Variants in AKAP19 observed in about 807,000 individuals in gnomAD.
AKAP19 encodes the protein small A-kinase anchoring protein.
the AKAP19 span, among the ~76,000 whole-genome samples, chr2:190,193,352 G>A: frequency 5.9e-5 from 9 of 151,586 alleles, no homozygotes; most frequent in Non-Finnish European, 1.3e-4. Flanking sequence ...CAACTTCTGG[G>A]TCTATGTTCA....
At chr2:190,118,179 TC>T in the AKAP19 span, among the ~76,000 whole-genome samples, 1 of 152,142 alleles carries the variant, frequency 6.6e-6, no homozygotes, top group African/African-American at 2.4e-5. Context: ...AAAAGTTGAA[TC>T]TCTTACTAGA....
the AKAP19 span, chr2:189,923,988 T>A: frequency 4.5e-5 from 68 of 1,510,278 alleles, no homozygotes; most frequent in East Asian, 8.5e-4. Flanking sequence ...ATGAACAATG[T>A]TAAGTCAGAA....
chr2:189,903,766 G>A, the AKAP19 span, among the ~76,000 whole-genome samples: 2 of 151,926 alleles, frequency 1.3e-5, no homozygotes, highest in East Asian at 1.9e-4. Flanking sequence ...TACCCAATAA[G>A]TAGTTTTCCA....
chr2:190,142,679 T>TA, the AKAP19 span, among the ~76,000 whole-genome samples: 1 of 152,234 alleles, frequency 6.6e-6, no homozygotes, highest in Non-Finnish European at 1.5e-5. Context: ...GCTTTGAGGC[T>TA]AACAAACTGG....
chr2:189,951,764 G>A, the AKAP19 span, among the ~76,000 whole-genome samples: 1 of 152,212 alleles, frequency 6.6e-6, no homozygotes, highest in African/African-American at 2.4e-5. Context: ...TAGGAGATCA[G>A]AATATGCCAC....
chr2:189,990,320 C>T, the AKAP19 span, among the ~76,000 whole-genome samples: 1 of 152,132 alleles, frequency 6.6e-6, no homozygotes. Flanking sequence ...CAATCCTTTG[C>T]TCCTATTCTT....
At chr2:190,038,961 C>CTTCTTCT in the AKAP19 span, among the ~76,000 whole-genome samples, 1 of 145,046 alleles carries the variant, frequency 6.9e-6, no homozygotes, top group Admixed American at 6.9e-5. Context: ...TCTTCTTCTT[C>CTTCTTCT]TTCTTCTTCT....
At chr2:190,044,369 G>A in the AKAP19 span, among the ~76,000 whole-genome samples, 1 of 152,152 alleles carries the variant, frequency 6.6e-6, no homozygotes, top group African/African-American at 2.4e-5. Context: ...CCCCAGCCAG[G>A]AGTTTACTGC....
chr2:190,166,240 A>G, the AKAP19 span, among the ~76,000 whole-genome samples: 1 of 151,608 alleles, frequency 6.6e-6, no homozygotes, highest in African/African-American at 2.4e-5. Context: ...ATCTTCTGGA[A>G]AAATAAAGAT....
chr2:190,186,758 T>C, the AKAP19 span, among the ~76,000 whole-genome samples: 1 of 152,250 alleles, frequency 6.6e-6, no homozygotes, highest in Admixed American at 6.5e-5. The surrounding 1 kb of genome is among the most constrained non-coding windows in gnomAD (Gnocchi z 5.5). Context: ...TACAAGAAAG[T>C]ATATTCTTAG....
the AKAP19 span, among the ~76,000 whole-genome samples, chr2:190,168,065 A>G: frequency 6.6e-6 from 1 of 152,178 alleles, no homozygotes; most frequent in Non-Finnish European, 1.5e-5. Flanking sequence ...CCCTGCAGCA[A>G]ACTTCTGCCT....
the AKAP19 span, among the ~76,000 whole-genome samples, chr2:189,948,486 C>T: frequency 2.6e-5 from 4 of 152,148 alleles, no homozygotes; most frequent in South Asian, 2.1e-4. Context: ...AAATTACCCA[C>T]AGTTTTGCTC....
the AKAP19 span, among the ~76,000 whole-genome samples, chr2:190,034,856 C>CAA: frequency 4.1e-3 from 284 of 68,562 alleles, no homozygotes; most frequent in African/African-American, 8.8e-3. Flanking sequence ...CCTGTCTCAC[C>CAA]AAAAAAAAAA....
chr2:190,156,095 T>A, the AKAP19 span, among the ~76,000 whole-genome samples: 1 of 152,098 alleles, frequency 6.6e-6, no homozygotes, highest in East Asian at 1.9e-4. Flanking sequence ...CGTGACCTCC[T>A]TATAGGCTTT....
At chr2:190,180,442 ACCAGGGGCAGGGC>A in the AKAP19 span, 1 of 983,210 alleles carries the variant, frequency 1.0e-6, no homozygotes, top group African/African-American at 1.7e-5. This position sits in a 1 kb window ranked among gnomAD's most constrained non-coding sequence, Gnocchi z 6.8. Context: ...GGGGGCCGAG[ACCAGGGGCAGGGC>A]CAGCGAAATG....
At chr2:189,969,207 T>C in the AKAP19 span, among the ~76,000 whole-genome samples, 7 of 152,082 alleles carry the variant, frequency 4.6e-5, no homozygotes. Context: ...GTAGGTCCTT[T>C]GGGAGGTGAT....
the AKAP19 span, among the ~76,000 whole-genome samples, chr2:190,197,567 T>G: frequency 2.0e-5 from 3 of 152,180 alleles, no homozygotes; most frequent in African/African-American, 7.2e-5. This position sits in a 1 kb window ranked among gnomAD's most constrained non-coding sequence, Gnocchi z 4.0. Flanking sequence ...GCATCAGAGT[T>G]GCCACTCTCT....
chr2:190,197,398 C>A, the AKAP19 span, among the ~76,000 whole-genome samples: 1 of 152,178 alleles, frequency 6.6e-6, no homozygotes, highest in East Asian at 1.9e-4. This position sits in a 1 kb window ranked among gnomAD's most constrained non-coding sequence, Gnocchi z 4.0. Context: ...ACTCTTAAGT[C>A]CTAGAGGAAG....
the AKAP19 span, among the ~76,000 whole-genome samples, chr2:190,196,186 G>A: frequency 1.3e-5 from 2 of 151,730 alleles, no homozygotes; most frequent in Non-Finnish European, 2.9e-5. Context: ...TGGGTTAAAC[G>A]TATCTAATTC....
Sources: allele counts gnomAD v4.1 joint callset (sites outside exome capture counted in the v4.1 genomes callset), GRCh38; gene constraint gnomAD v4.1.1; non-coding constraint Gnocchi (gnomAD v3.1); transcripts MANE v1.5; gene names NCBI Gene and HGNC (gene_info 2026-07-23, HGNC 2026-07-21).